The following NELL1 variants were observed in gnomAD, a reference collection of about 807,000 sequenced individuals.
NELL1 encodes protein kinase C-binding protein NELL1.
A neutral mutation model predicts 107.4 loss-of-function variants in NELL1; 76 were observed. The ratio of observed to expected loss-of-function variants is 0.71; its 90% CI spans 0.59 to 0.86. The LOEUF (loss-of-function observed/expected upper bound fraction) is 0.86, where lower values mean the gene tolerates loss of function less well. Ranked by LOEUF, NELL1 falls within the 40% of genes least tolerant of loss-of-function variation. The probability of loss-of-function intolerance (pLI) is 0.00; values close to 1 mark genes in which losing one functional copy is unlikely to be tolerated. For synonymous variants in NELL1, 353 were observed against 341.2 expected (o/e 1.03, Z -0.38); for missense variants, 1,024 against 1,005.5 (o/e 1.02, Z -0.25).
At chr11:21,073,877 G>A (rs777209551) in intron 12 of NELL1, among the ~76,000 whole-genome samples, 2 of 152,124 alleles carry the variant, frequency 1.3e-5, no homozygotes, top group Non-Finnish European at 2.9e-5. Context: ...GTTTAGAAAT[G>A]TACAAAGAGA....
At chr11:21,018,845 G>C (rs1238695702) in intron 12 of NELL1, among the ~76,000 whole-genome samples, 4 of 152,092 alleles carry the variant, frequency 2.6e-5, no homozygotes, top group Non-Finnish European at 4.4e-5. Flanking sequence ...GATGCTATGT[G>C]GCAGGATCCT....
At chr11:20,851,250 G>T (rs896793710) in intron 4 of NELL1, among the ~76,000 whole-genome samples, 6 of 152,152 alleles carry the variant, frequency 3.9e-5, no homozygotes, top group Admixed American at 3.3e-4. Flanking sequence ...AGACCTAATT[G>T]TACAAATTGT....
chr11:21,138,092 G>A lies in NELL1; in HGVS notation c.1426+24378G>A, dbSNP rs189709883. On this transcript the variant is annotated intron_variant, in intron 13 of 19. Coordinates refer to ENST00000357134, the MANE Select transcript of NELL1 (RefSeq NM_006157.5). ...GAGAGAACCTGATGGCATTATTTGTGCAGCTAAATCTGGGTTTGAGAGCTC... is the reference window on the plus strand; with the variant it reads ...GAGAGAACCTGATGGCATTATTTGTACAGCTAAATCTGGGTTTGAGAGCTC... Among the ~76,000 whole-genome samples, 6 of 152,268 alleles carry A rather than the reference G, an allele frequency of 3.9e-5. No individual in the cohort carries two copies. The East Asian group carries it at 1.2e-3, about 29-fold the overall frequency.
intron 15 of NELL1, among the ~76,000 whole-genome samples, chr11:21,393,903 A>G (rs998369840): frequency 5.9e-5 from 9 of 151,804 alleles, no homozygotes; most frequent in African/African-American, 2.2e-4. Context: ...TGACTATGGG[A>G]AGTCCTCTCA....
chr11:21,304,790 G>T (rs774723354), intron 14 of NELL1, among the ~76,000 whole-genome samples: 11 of 151,534 alleles, frequency 7.3e-5, no homozygotes, highest in African/African-American at 2.7e-4. Flanking sequence ...CCTGCAGTAG[G>T]GTGCAAATAC....
At chr11:20,707,253 G>A (rs1854988970) in intron 2 of NELL1, among the ~76,000 whole-genome samples, 1 of 152,092 alleles carries the variant, frequency 6.6e-6, no homozygotes, top group Non-Finnish European at 1.5e-5. Flanking sequence ...ATTTTAGTTA[G>A]CCATTCATCT....
intron 17 of NELL1, among the ~76,000 whole-genome samples, chr11:21,567,858 T>C (rs1315031246): frequency 6.6e-6 from 1 of 151,794 alleles, no homozygotes; most frequent in East Asian, 1.9e-4. Flanking sequence ...GATCTAACAA[T>C]ATGAAATGCA....
chr11:21,468,794 C>T (rs748892509), intron 15 of NELL1, among the ~76,000 whole-genome samples: 16 of 152,014 alleles, frequency 1.1e-4, no homozygotes, highest in Non-Finnish European at 2.2e-4. Context: ...CATATGTTCA[C>T]CCAGAGACAG....
intron 3 of NELL1, among the ~76,000 whole-genome samples, chr11:20,813,392 A>G (rs1857546158): frequency 6.6e-6 from 1 of 152,182 alleles, no homozygotes. Flanking sequence ...AAGTCTGTAT[A>G]GTCATTGTAG....
At chr11:21,416,583 T>C (rs1852525665) in intron 15 of NELL1, among the ~76,000 whole-genome samples, 1 of 152,184 alleles carries the variant, frequency 6.6e-6, no homozygotes, top group African/African-American at 2.4e-5. Flanking sequence ...ATAGATTCTC[T>C]ATTTTCACTA....
chr11:20,748,420 T>C (rs541281748), intron 2 of NELL1, among the ~76,000 whole-genome samples: 2 of 152,332 alleles, frequency 1.3e-5, no homozygotes, highest in Admixed American at 6.5e-5. Flanking sequence ...TTTATTTCAG[T>C]AGCTTTTGGG....
intron 14 of NELL1, among the ~76,000 whole-genome samples, chr11:21,310,971 C>G (rs1849737372): frequency 6.6e-6 from 1 of 152,014 alleles, no homozygotes; most frequent in Admixed American, 6.6e-5. Context: ...TTTCAAGCTT[C>G]GGTATATGGG....
At chr11:21,138,372 A>G (rs909687296) in intron 13 of NELL1, among the ~76,000 whole-genome samples, 3 of 152,206 alleles carry the variant, frequency 2.0e-5, no homozygotes, top group Non-Finnish European at 4.4e-5. Context: ...CCACAGCAAT[A>G]GCCTGTGCAT....
chr11:21,420,295 T>G (rs1397910500), intron 15 of NELL1, among the ~76,000 whole-genome samples: 1 of 152,086 alleles, frequency 6.6e-6, no homozygotes, highest in Non-Finnish European at 1.5e-5. Flanking sequence ...AAGTTAAACA[T>G]GGTAGATTAA....
At chr11:20,917,872 G>A (rs1850290780) in intron 5 of NELL1, among the ~76,000 whole-genome samples, 1 of 151,842 alleles carries the variant, frequency 6.6e-6, no homozygotes, top group Non-Finnish European at 1.5e-5. Context: ...AATATTCCAG[G>A]ATGATTAGGG....
rs35956354 is a variant in NELL1, at chr11:21,116,730, C to T, written c.1426+3016C>T. 6.5e-3 allele frequency among the ~76,000 whole-genome samples: 992 copies of T among 152,070 alleles called. 8 individuals are homozygous for T. Among genetic ancestry groups the T allele is most frequent in the Non-Finnish European group, 0.01 (697 of 67,930 alleles). ...TCTGTCTTGTTGATGCTACCCTTTA[C>T]GTCTTGTCCTAAGTCCATCCACTTC... On this transcript the variant is annotated intron_variant, in intron 13 of 19. Coordinates refer to ENST00000357134, the MANE Select transcript of NELL1 (RefSeq NM_006157.5).
At chr11:21,016,488 G>T (rs181910402) in intron 12 of NELL1, among the ~76,000 whole-genome samples, 1 of 152,020 alleles carries the variant, frequency 6.6e-6, no homozygotes, top group East Asian at 1.9e-4. Context: ...TTACCCACAC[G>T]TACCCTTTGT....
At position 20,725,580 on chromosome 11, in the gene NELL1, C is replaced by G. The variant is rs145173278; in HGVS notation, c.184+47520C>G. 6.7e-3 allele frequency among the ~76,000 whole-genome samples: 1,025 copies of G among 152,232 alleles called. 10 individuals are homozygous for G. The highest frequency in any genetic ancestry group is 0.023 in the African/African-American group (966 of 41,534). ...CTGGGGTTTTATATAAACATACTTACCTTTTAAGCCCCATTTTCTCACTTT... is the reference window on the plus strand; with the variant it reads ...CTGGGGTTTTATATAAACATACTTAGCTTTTAAGCCCCATTTTCTCACTTT... On this transcript the variant is annotated intron_variant, in intron 2 of 19. Coordinates refer to ENST00000357134, the MANE Select transcript of NELL1 (RefSeq NM_006157.5).
intron 12 of NELL1, among the ~76,000 whole-genome samples, chr11:21,064,479 G>A (rs760846288): frequency 4.6e-5 from 7 of 152,164 alleles, no homozygotes; most frequent in Non-Finnish European, 8.8e-5. Context: ...GATTTCCTCC[G>A]AAATTGAAAA....
Sources: gnomAD v4.1 joint callset for allele counts (sites outside exome capture counted in the v4.1 genomes callset) on GRCh38, gnomAD v4.1.1 for gene constraint, MANE v1.5 for transcripts, NCBI Gene and HGNC (gene_info 2026-07-23, HGNC 2026-07-21) for gene names.